GNAT3: variants seen among roughly 807,000 people sequenced by gnomAD.
GNAT3 encodes the protein G protein subunit alpha transducin 3.
In GNAT3, 31 loss-of-function variants were observed where a neutral mutation model predicts 37.7. That is an observed-to-expected ratio of 0.82 (90% CI 0.62 to 1.11). GNAT3 has a LOEUF of 1.11. Among genes scored for constraint, GNAT3 ranks in the 50% most tolerant of loss-of-function variants. The pLI, the probability that GNAT3 is intolerant of heterozygous loss-of-function variation, is 0.00. For missense variants in GNAT3, 437 were observed against 412.5 expected (o/e 1.06, Z -0.51); for synonymous variants, 138 against 139.8 (o/e 0.99, Z 0.09).
At chr7:80,486,185 A>G (rs1382001802) in intron 3 of GNAT3, among the ~76,000 whole-genome samples, 2 of 152,186 alleles carry the variant, frequency 1.3e-5, no homozygotes, top group Non-Finnish European at 2.9e-5. Flanking sequence ...GATAGAGTTC[A>G]CATAAGTGGA....
intron 5 of GNAT3, among the ~76,000 whole-genome samples, chr7:80,473,084 C>G (rs1045392005): frequency 5.9e-5 from 9 of 152,140 alleles, no homozygotes; most frequent in African/African-American, 1.9e-4. Flanking sequence ...GGTGAGGAGT[C>G]TGAAGAAAGT....
intron 3 of GNAT3, chr7:80,486,327 G>C (rs1186646861): frequency 1.3e-5 from 2 of 152,092 alleles, no homozygotes; most frequent in Non-Finnish European, 2.9e-5. Flanking sequence ...TCAATGTACA[G>C]TTTGAATGAA....
At chr7:80,465,450 T>C (rs1191561217) in intron 5 of GNAT3, among the ~76,000 whole-genome samples, 1 of 152,126 alleles carries the variant, frequency 6.6e-6, no homozygotes, top group Non-Finnish European at 1.5e-5. Context: ...AGCATTCTTA[T>C]TTTTTCAGAG....
chr7:80,488,602 T>C lies in GNAT3; in HGVS notation c.236A>G (p.Gln79Arg), dbSNP rs377657840. Residue 79 changes from glutamine to arginine, a missense_variant, in exon 3 of 8, where the codon CAA becomes CGA. Transcript: ENST00000398291. ...GGCTTTCACAATAGCTAGGATGGAT[T>C]GCAATGTATTACTGTAAATTACTGC... is the stretch of plus-strand genomic sequence containing the variant. Reference protein sequence around the residue: ...FKAVIYSNTLQSILAIVKAMT... With the variant: ...FKAVIYSNTLRSILAIVKAMT... 4 of 1,595,768 alleles carry C rather than the reference T, an allele frequency of 2.5e-6. No individual in the cohort carries two copies. The highest frequency in any genetic ancestry group is 2.7e-5 in the African/African-American group (2 of 74,658).
intron 1 of GNAT3, among the ~76,000 whole-genome samples, chr7:80,504,359 G>C (rs901051435): frequency 6.6e-6 from 1 of 152,006 alleles, no homozygotes; most frequent in Non-Finnish European, 1.5e-5. Flanking sequence ...TTGTGAATTG[G>C]CCATTATCTG....
intron 2 of GNAT3, among the ~76,000 whole-genome samples, chr7:80,492,183 A>G (rs1790606379): frequency 8.2e-6 from 1 of 121,472 alleles, no homozygotes; most frequent in Non-Finnish European, 1.5e-5. Flanking sequence ...TACCAAAAAA[A>G]AAAAAAAAAA....
intron 1 of GNAT3, among the ~76,000 whole-genome samples, chr7:80,506,780 T>G (rs1408698266): frequency 6.6e-6 from 1 of 152,178 alleles, no homozygotes; most frequent in African/African-American, 2.4e-5. Context: ...ATGTATTTGT[T>G]GTGTACAACA....
At chr7:80,486,392 T>A (rs1034373652) in intron 3 of GNAT3, 4 of 151,988 alleles carry the variant, frequency 2.6e-5, no homozygotes, top group Non-Finnish European at 4.4e-5. Context: ...AGTTTATTAT[T>A]TTCACTTCCC....
chr7:80,480,141 G>T (rs1415851612), intron 3 of GNAT3, among the ~76,000 whole-genome samples: 1 of 152,114 alleles, frequency 6.6e-6, no homozygotes, highest in Non-Finnish European at 1.5e-5. Flanking sequence ...ATTGACTGTG[G>T]TAATAGCCCA....
intron 1 of GNAT3, among the ~76,000 whole-genome samples, chr7:80,501,771 G>T (rs1214961182): frequency 6.6e-6 from 1 of 151,746 alleles, no homozygotes; most frequent in Non-Finnish European, 1.5e-5. Context: ...AAATATTTTA[G>T]ATGAATATTG....
rs535829588 is a variant in GNAT3 at position 80,491,226 on chromosome 7, G to A, written c.162-2550C>T. The stretch of plus-strand genomic sequence containing the variant: ...TGGCATGACTTGGTAAAAGGGTGAA[G>A]GCTTAGCATAACTATGCTGAGATTT... On this transcript the variant is annotated intron_variant, in intron 2 of 7. Coordinates refer to ENST00000398291, the MANE Select transcript of GNAT3 (RefSeq NM_001102386.3). Among the ~76,000 whole-genome samples, 11 of 151,642 alleles carry A rather than the reference G, an allele frequency of 7.3e-5. No homozygotes were observed. The East Asian group carries it at 1.9e-3, about 27-fold the overall frequency.
chr7:80,466,368 T>C (rs2116146263), intron 5 of GNAT3, among the ~76,000 whole-genome samples: 1 of 152,274 alleles, frequency 6.6e-6, no homozygotes, highest in Non-Finnish European at 1.5e-5. Context: ...TGTATTCTTT[T>C]AGTCACATTT....
Position 80,462,228 on chromosome 7 carries a change from T to C in GNAT3, c.805A>G (p.Asn269Asp). ...TTTTCTTGAAAGATATCTTTTTTGT[T>C]GAGGAACAGGACAATGGAGGTTGTT... is the stretch of plus-strand genomic sequence containing the variant. ...FSTTSIVLFL[N>D]KKDIFQEKVT... Residue 269 changes from asparagine to aspartate, a missense_variant, in exon 7 of 8, where the codon AAC (asparagine) becomes GAC (aspartate). Coordinates refer to ENST00000398291, the MANE Select transcript of GNAT3 (RefSeq NM_001102386.3). The C allele has an allele frequency of 6.2e-7, 1 of 1,610,682 alleles. No homozygotes were observed. The highest frequency in any genetic ancestry group is 1.1e-5 in the South Asian group (1 of 90,544).
chr7:80,507,634 T>C (rs1427261101), intron 1 of GNAT3, among the ~76,000 whole-genome samples: 2 of 152,020 alleles, frequency 1.3e-5, no homozygotes, highest in East Asian at 3.9e-4. Flanking sequence ...ATGAAGGTAT[T>C]AATAAATCAA....
intron 5 of GNAT3, among the ~76,000 whole-genome samples, chr7:80,463,767 G>C (rs940984429): frequency 6.6e-6 from 1 of 151,272 alleles, no homozygotes; most frequent in South Asian, 2.1e-4. Flanking sequence ...CTAAGTAAAC[G>C]AATAGATTCC....
chr7:80,511,759 C>T (rs373920911), intron 1 of GNAT3, 50 bp downstream of exon 1: 2 of 1,055,260 alleles, frequency 1.9e-6, no homozygotes, highest in African/African-American at 3.1e-5. Context: ...AAATATATCA[C>T]AATTGAAAAA....
chr7:80,482,502 T>G (rs1446684562), intron 3 of GNAT3, among the ~76,000 whole-genome samples: 1 of 151,772 alleles, frequency 6.6e-6, no homozygotes, highest in African/African-American at 2.4e-5. Context: ...TTCTTTTTTG[T>G]TTTTTTGTTT....
At chr7:80,467,590 A>G (rs1790146566) in intron 5 of GNAT3, among the ~76,000 whole-genome samples, 1 of 152,060 alleles carries the variant, frequency 6.6e-6, no homozygotes, top group South Asian at 2.1e-4. Flanking sequence ...ATTTTATGGA[A>G]TTGTAAAGTA....
chr7:80,500,574 A>G (rs1416116430), intron 1 of GNAT3, among the ~76,000 whole-genome samples: 1 of 152,108 alleles, frequency 6.6e-6, no homozygotes, highest in Non-Finnish European at 1.5e-5. Flanking sequence ...TTCTGTTAAC[A>G]GGAAACCTAT....
Sources: gnomAD v4.1 joint callset for allele counts (sites outside exome capture counted in the v4.1 genomes callset) on GRCh38, gnomAD v4.1.1 for gene constraint, MANE v1.5 for transcripts, NCBI Gene and HGNC (gene_info 2026-07-23, HGNC 2026-07-21) for gene names.